Variants in AGPAT4 observed in about 807,000 individuals in gnomAD.
AGPAT4 encodes 1-acylglycerol-3-phosphate O-acyltransferase 4.
In AGPAT4, 15 loss-of-function variants were observed where a neutral mutation model predicts 48.0. That is an observed-to-expected ratio of 0.31 (90% CI 0.21 to 0.48). The LOEUF is 0.48. AGPAT4 is among the 20% of genes least tolerant of loss of function. The pLI, the probability that AGPAT4 is intolerant of heterozygous loss-of-function variation, is 0.99. For synonymous variants in AGPAT4, 178 were observed against 198.7 expected (o/e 0.90, Z 0.88); for missense variants, 314 against 482.5 (o/e 0.65, Z 3.27).
At chr6:161,174,344 C>T (rs1251170098) in intron 2 of AGPAT4, among the ~76,000 whole-genome samples, 1 of 152,154 alleles carries the variant, frequency 6.6e-6, no homozygotes, top group Non-Finnish European at 1.5e-5. Flanking sequence ...TGTAGTTCTC[C>T]TTGAAGAGGG....
At position 161,221,115 on chromosome 6, in the gene AGPAT4, G is replaced by A. The variant is rs138745274; in HGVS notation, c.178+10921C>T. Among the ~76,000 whole-genome samples, 247 of 152,176 alleles carry A rather than the reference G, an allele frequency of 1.6e-3. No individual in the cohort carries two copies. Among genetic ancestry groups the A allele is most frequent in the Middle Eastern group, 0.01 (3 of 294 alleles). ...GCATATTTAAACAGATGACACAAACGCTGGATGAACATGGTGAGCAAGGAA... is the reference window on the plus strand; with the variant it reads ...GCATATTTAAACAGATGACACAAACACTGGATGAACATGGTGAGCAAGGAA... On this transcript the variant is annotated intron_variant, in intron 2 of 8. Transcript: ENST00000320285. This position sits in a 1 kb window ranked among gnomAD's most constrained non-coding sequence, Gnocchi z 4.5.
intron 1 of AGPAT4, among the ~76,000 whole-genome samples, chr6:161,241,195 G>A (rs932611506): frequency 4.0e-5 from 6 of 150,154 alleles, no homozygotes; most frequent in African/African-American, 1.5e-4. Context: ...CCCAGGAGGT[G>A]GAGGTTGCAG....
At chr6:161,213,698 G>A (rs1781574384) in intron 2 of AGPAT4, among the ~76,000 whole-genome samples, 1 of 152,098 alleles carries the variant, frequency 6.6e-6, no homozygotes, top group Non-Finnish European at 1.5e-5. Flanking sequence ...GAGTAATGTG[G>A]CCTATATTGA....
At position 161,154,131 on chromosome 6, in the gene AGPAT4, G is replaced by T; in HGVS notation, c.510+18C>A. ...CTGCAGGAGCCCTTGGGACACAGCT[G>T]CTCTGGTGCCTACATACAAAATACT... On this transcript the variant is annotated intron_variant, in intron 4 of 8. Coordinates refer to ENST00000320285, the MANE Select transcript of AGPAT4 (RefSeq NM_020133.3). This position sits in a 1 kb window ranked among gnomAD's most constrained non-coding sequence, Gnocchi z 7.8. 6.2e-7 allele frequency: 1 copy of T among 1,614,032 alleles called. No homozygotes were observed. The highest frequency in any genetic ancestry group is 2.2e-5 in the East Asian group (1 of 44,882).
At position 161,159,948 on chromosome 6, in the gene AGPAT4, C is replaced by CT. The variant is rs1450400689; in HGVS notation, c.349-5639dup. 4.6e-5 allele frequency among the ~76,000 whole-genome samples: 6 copies of CT among 130,114 alleles called. No homozygotes were observed. The highest frequency in any genetic ancestry group is 9.7e-5 in the Non-Finnish European group (6 of 61,940). The allele number at this position is 130,114 out of a possible 152,430, so 85.4% of individuals were successfully genotyped here. Reference sequence around the variant, plus strand: ...CAAACCTGGCTTTTCTTTTTTTTTTCTTTTTTTGAGATGGAGTCTTGCTCT... The same window carrying CT: ...CAAACCTGGCTTTTCTTTTTTTTTTCTTTTTTTTGAGATGGAGTCTTGCTCT... On this transcript the variant is annotated intron_variant, in intron 3 of 8. Transcript: ENST00000320285. This position sits in a 1 kb window ranked among gnomAD's most constrained non-coding sequence, Gnocchi z 4.1.
intron 2 of AGPAT4, among the ~76,000 whole-genome samples, chr6:161,193,149 C>A (rs184088561): frequency 3.4e-4 from 52 of 152,320 alleles, no homozygotes; most frequent in Non-Finnish European, 3.2e-4. Context: ...TCTGGAAGGA[C>A]ATACTTAATC....
At position 161,249,210 on chromosome 6, in the gene AGPAT4, A is replaced by G. The variant is rs1782742415; in HGVS notation, c.-89-16908T>C. 6.6e-6 allele frequency among the ~76,000 whole-genome samples: 1 copy of G among 152,312 alleles called. No individual in the cohort carries two copies. On this transcript the variant is annotated intron_variant, in intron 1 of 8. Coordinates refer to ENST00000320285, the MANE Select transcript of AGPAT4 (RefSeq NM_020133.3). The surrounding 1 kb of genome is among the most constrained non-coding windows in gnomAD (Gnocchi z 6.2). ...AAGTGTAAAATCCAAAACTATAAAA[A>G]CCCTGGAAGATGACCTAAGCAATAC...
rs181296643 is a variant in AGPAT4 at position 161,237,421 on chromosome 6, T to A, written c.-89-5119A>T. On this transcript the variant is annotated intron_variant, in intron 1 of 8. Transcript: ENST00000320285. ...GTTTCTTACTGAATACCAGAAGAAG[T>A]CTCCTTCAGCACCACTTGGATGTAA... 1.5e-3 allele frequency among the ~76,000 whole-genome samples: 226 copies of A among 152,212 alleles called. 1 individual carries two copies. The highest frequency in any genetic ancestry group is 5.2e-3 in the African/African-American group (216 of 41,506).
chr6:161,247,091 T>C (rs1782672797), intron 1 of AGPAT4, among the ~76,000 whole-genome samples: 1 of 152,254 alleles, frequency 6.6e-6, no homozygotes, highest in Non-Finnish European at 1.5e-5. Context: ...TGAGGCTATA[T>C]GTTAAACTGA....
intron 2 of AGPAT4, among the ~76,000 whole-genome samples, chr6:161,211,968 G>T (rs1487534040): frequency 4.6e-4 from 70 of 152,126 alleles, no homozygotes; most frequent in Admixed American, 4.6e-3. Context: ...AGAGGTGGGT[G>T]CATGAGATTG....
At chr6:161,263,725 C>T (rs1235002717) in intron 1 of AGPAT4, among the ~76,000 whole-genome samples, 1 of 152,202 alleles carries the variant, frequency 6.6e-6, no homozygotes, top group Non-Finnish European at 1.5e-5. Context: ...ACCCCCACAA[C>T]ATCTTCATTA....
At position 161,170,468 on chromosome 6, in the gene AGPAT4, C is replaced by T. The variant is rs1055058509; in HGVS notation, c.179-4051G>A. Among the ~76,000 whole-genome samples, 40 of 77,294 alleles carry T rather than the reference C, an allele frequency of 5.2e-4. 1 individual carries two copies. Among genetic ancestry groups the T allele is most frequent in the South Asian group, 1.6e-3 (4 of 2,566 alleles). 50.7% of individuals were successfully genotyped at this position (77,294 alleles called of 152,430 possible). ...ATACACATGCGCGTGCACACGTGCG[C>T]GCGCGCACACACACACACACACACA... On this transcript the variant is annotated intron_variant, in intron 2 of 8. Coordinates refer to ENST00000320285, the MANE Select transcript of AGPAT4 (RefSeq NM_020133.3).
intron 2 of AGPAT4, among the ~76,000 whole-genome samples, chr6:161,187,390 G>C (rs9365258): frequency 0.88 from 133,739 of 152,114 alleles, 58,837 homozygotes; most frequent in African/African-American, 0.91. Flanking sequence ...TGGGTCTCAA[G>C]AAATATTGGA....
intron 2 of AGPAT4, among the ~76,000 whole-genome samples, chr6:161,205,372 G>A (rs986496808): frequency 6.6e-6 from 1 of 152,096 alleles, no homozygotes; most frequent in African/African-American, 2.4e-5. Flanking sequence ...TGTCCTGTGG[G>A]GGAGGTTAGA....
intron 2 of AGPAT4, among the ~76,000 whole-genome samples, chr6:161,227,828 C>T (rs565091193): frequency 1.6e-4 from 25 of 152,246 alleles, no homozygotes; most frequent in South Asian, 4.2e-4. Flanking sequence ...CTTTTTTGAG[C>T]GTTACACAAA....
intron 1 of AGPAT4, among the ~76,000 whole-genome samples, chr6:161,268,633 C>T (rs1342377038): frequency 6.6e-6 from 1 of 152,100 alleles, no homozygotes; most frequent in African/African-American, 2.4e-5. Context: ...GCAGAGATGC[C>T]CGTGCCAACC....
intron 3 of AGPAT4, among the ~76,000 whole-genome samples, chr6:161,163,934 G>A (rs183124570): frequency 6.6e-6 from 1 of 152,282 alleles, no homozygotes; most frequent in East Asian, 1.9e-4. Context: ...CACCATCAGT[G>A]GCAGGGCGCA....
rs561160666 is a variant in AGPAT4 at position 161,214,966 on chromosome 6, CA to C, written c.178+17069del. 5.1e-4 allele frequency among the ~76,000 whole-genome samples: 78 copies of C among 152,212 alleles called. 2 individuals are homozygous for C. The East Asian group carries it at 0.014, about 28-fold the overall frequency. On this transcript the variant is annotated intron_variant, in intron 2 of 8. Transcript: ENST00000320285. The surrounding 1 kb of genome is among the most constrained non-coding windows in gnomAD (Gnocchi z 5.4). Reference sequence around the variant, plus strand: ...TGGCCTGCCTTAGATAAGACTGAGACAAAGGCAACAGGCCCATCTGCAGTTT... The same window carrying C: ...TGGCCTGCCTTAGATAAGACTGAGACAAGGCAACAGGCCCATCTGCAGTTT...
In AGPAT4 at chr6:161,144,213, C is replaced by CA; in HGVS notation, c.843+2310_843+2311insT. 3.8e-6 allele frequency: 2 copies of CA among 532,218 alleles called. No individual in the cohort carries two copies. The highest frequency in any genetic ancestry group is 3.9e-5 in the Admixed American group (2 of 51,432). 33.0% of individuals were successfully genotyped at this position (532,218 alleles called of 1,614,324 possible). ...TCTCGGAAGGGCAAAGGGCCAGCCT[C>CA]CCAGGCCTGCTCACAGACACATACT... On this transcript the variant is annotated intron_variant, in intron 7 of 8. Coordinates refer to ENST00000320285, the MANE Select transcript of AGPAT4 (RefSeq NM_020133.3). This position sits in a 1 kb window ranked among gnomAD's most constrained non-coding sequence, Gnocchi z 6.6.
Sources: allele counts gnomAD v4.1 joint callset (sites outside exome capture counted in the v4.1 genomes callset), GRCh38; gene constraint gnomAD v4.1.1; non-coding constraint Gnocchi (gnomAD v3.1); transcripts MANE v1.5; gene names NCBI Gene and HGNC (gene_info 2026-07-23, HGNC 2026-07-21).